The following NBEAL1 variants were observed in gnomAD, a reference collection of about 807,000 sequenced individuals.
NBEAL1 encodes the protein neurobeachin-like protein 1.
Under a neutral mutation model 351.3 loss-of-function variants are expected in NBEAL1, and 273 were observed. The observed-to-expected ratio is 0.78, with a 90% CI of 0.70 to 0.86. The LOEUF is 0.86. NBEAL1 is among the 40% of genes least tolerant of loss of function. The probability of loss-of-function intolerance (pLI) is 0.00; values close to 1 mark genes in which losing one functional copy is unlikely to be tolerated. For missense variants in NBEAL1, 2,961 were observed against 3,201.3 expected (o/e 0.92, Z 1.81); for synonymous variants, 1,050 against 1,086.4 (o/e 0.97, Z 0.66).
intron 35 of NBEAL1, among the ~76,000 whole-genome samples, chr2:203,157,093 A>G (rs1441249639): frequency 6.6e-6 from 1 of 152,178 alleles, no homozygotes; most frequent in East Asian, 1.9e-4. Flanking sequence ...TGGCAAAACT[A>G]AATTTGAGTC....
At chr2:203,072,410 GT>G (rs894568990) in intron 7 of NBEAL1, among the ~76,000 whole-genome samples, 112 of 139,168 alleles carry the variant, frequency 8.0e-4, no homozygotes, top group Admixed American at 1.1e-3. Flanking sequence ...TTGTTTGTTT[GT>G]TTTTTTTTTT....
chr2:203,110,056 G>A, intron 14 of NBEAL1, 94 bp from the exon 15 acceptor site: 1 of 1,216,090 alleles, frequency 8.2e-7, no homozygotes, highest in Non-Finnish European at 1.1e-6. Context: ...TGTGGGTAAA[G>A]ATGTTCATGA....
chr2:203,113,267 AT>A lies in NBEAL1; in HGVS notation c.2456del (p.Ile819ThrfsTer11). The A allele has an allele frequency of 1.3e-6, 2 of 1,486,400 alleles. No homozygotes were observed. The highest frequency in any genetic ancestry group is 1.8e-6 in the Non-Finnish European group (2 of 1,116,744). 92.1% of individuals were successfully genotyped at this position (1,486,400 alleles called of 1,614,324 possible). A position where few individuals can be genotyped will look rare whatever the true frequency, so the allele number is the denominator to read the frequency against. On this transcript the variant is annotated frameshift_variant, in exon 17 of 56. Coordinates refer to ENST00000683969, the MANE Select transcript of NBEAL1 (RefSeq NM_001378026.1). LOFTEE classifies it high-confidence loss of function. ...GGAGGGTCAGCTAGGATCTGTTATC[AT>A]CTTTTATGAACCACTACAACCTCCT... ...SLEGQLGSVIIFYEPLQPPQV... is the reference protein window; with the variant it reads ...SLEGQLGSVIXFYEPLQPPQV...
intron 6 of NBEAL1, among the ~76,000 whole-genome samples, chr2:203,066,423 G>A (rs2061587603): frequency 1.3e-5 from 2 of 151,696 alleles, no homozygotes; most frequent in South Asian, 2.1e-4. Context: ...GCATCCCAAG[G>A]CACAAGAATT....
intron 3 of NBEAL1, among the ~76,000 whole-genome samples, chr2:203,049,371 T>C (rs959365566): frequency 1.3e-5 from 2 of 152,190 alleles, no homozygotes; most frequent in African/African-American, 4.8e-5. Flanking sequence ...GTTGACATAT[T>C]AAACTAGTTA....
rs1231746218 is a variant in NBEAL1 at position 203,135,700 on chromosome 2, G to A, written c.3837G>A (p.Gln1279=). 7 of 1,527,394 alleles carry A rather than the reference G, an allele frequency of 4.6e-6. No homozygotes were observed. The highest frequency in any genetic ancestry group is 1.4e-5 in the African/African-American group (1 of 72,072). 94.6% of individuals were successfully genotyped at this position (1,527,394 alleles called of 1,614,324 possible). A position where few individuals can be genotyped will look rare whatever the true frequency, so the allele number is the denominator to read the frequency against. ...CRKVLQILQF[Q]PDAAHQISQQ... ...AGGTTTTGCAAATTTTGCAGTTCCA[G>A]CCAGATGCAGCACATCAAATATCAC... The change falls in exon 28 of 56, where the codon CAG becomes CAA. Residue 1279 remains glutamine (Q), a synonymous_variant. Coordinates refer to ENST00000683969, the MANE Select transcript of NBEAL1 (RefSeq NM_001378026.1).
intron 51 of NBEAL1, among the ~76,000 whole-genome samples, chr2:203,208,365 G>A (rs1330618688): frequency 1.3e-5 from 2 of 152,140 alleles, no homozygotes; most frequent in South Asian, 2.1e-4. Context: ...TAGATTAAAA[G>A]GGGAAATAAC....
At chr2:203,216,030 G>A (rs1309336784) in intron 55 of NBEAL1, among the ~76,000 whole-genome samples, 5 of 146,606 alleles carry the variant, frequency 3.4e-5, no homozygotes, top group Non-Finnish European at 7.5e-5. Flanking sequence ...AAAAAAAAAC[G>A]GTGGAATCAC....
intron 55 of NBEAL1, among the ~76,000 whole-genome samples, chr2:203,214,529 CT>C (rs1347110163): frequency 6.6e-6 from 1 of 152,132 alleles, no homozygotes; most frequent in African/African-American, 2.4e-5. Context: ...AATCCCTGCA[CT>C]TTGGGGGACC....
intron 7 of NBEAL1, 124 bp downstream of exon 7, chr2:203,068,599 T>C: frequency 1.9e-6 from 1 of 517,248 alleles, no homozygotes; most frequent in Non-Finnish European, 3.4e-6. Flanking sequence ...TGTAAGAACA[T>C]GTCACTGGAG....
chr2:203,206,764 C>T (rs577418579), intron 51 of NBEAL1, among the ~76,000 whole-genome samples: 6 of 151,964 alleles, frequency 3.9e-5, no homozygotes, highest in East Asian at 3.9e-4. Context: ...GATCTCGGCT[C>T]GGTACAACAT....
intron 51 of NBEAL1, among the ~76,000 whole-genome samples, chr2:203,207,293 G>A (rs2105834766): frequency 6.6e-6 from 1 of 150,822 alleles, no homozygotes; most frequent in African/African-American, 2.4e-5. Context: ...GAGGTGGGGG[G>A]GTCAGCCCCC....
intron 11 of NBEAL1, among the ~76,000 whole-genome samples, chr2:203,099,393 C>T (rs1433189009): frequency 2.0e-5 from 3 of 151,742 alleles, no homozygotes; most frequent in Non-Finnish European, 4.4e-5. Flanking sequence ...TTTCTCAAAA[C>T]ATTTTAATGT....
chr2:203,091,523 A>T (rs2106187608), intron 10 of NBEAL1, among the ~76,000 whole-genome samples: 1 of 152,174 alleles, frequency 6.6e-6, no homozygotes, highest in East Asian at 1.9e-4. Context: ...TTCACTTTTT[A>T]ATATTTTTTG....
intron 27 of NBEAL1, among the ~76,000 whole-genome samples, chr2:203,135,155 G>A (rs1248684319): frequency 1.3e-5 from 2 of 148,416 alleles, no homozygotes; most frequent in Non-Finnish European, 3.0e-5. Context: ...GTGCGACAGA[G>A]CAAGACCCTG....
At chr2:203,209,710 A>T (rs2065720682) in intron 53 of NBEAL1, among the ~76,000 whole-genome samples, 6 of 33,804 alleles carry the variant, frequency 1.8e-4, no homozygotes, top group Admixed American at 3.2e-4. Flanking sequence ...TTATTTAATT[A>T]ATATGTGTGT....
chr2:203,115,161 CT>C (rs1207305806), intron 17 of NBEAL1, among the ~76,000 whole-genome samples: 9 of 132,278 alleles, frequency 6.8e-5, no homozygotes, highest in Admixed American at 2.3e-4. Context: ...GAGTTTTGCT[CT>C]TGTTGCCCAG....
chr2:203,068,957 T>G (rs2061637269), intron 7 of NBEAL1, among the ~76,000 whole-genome samples: 1 of 152,144 alleles, frequency 6.6e-6, no homozygotes, highest in South Asian at 2.1e-4. Flanking sequence ...CTTGAACTCC[T>G]GACCTCAGGT....
chr2:203,120,703 G>A (rs775515816), intron 18 of NBEAL1, among the ~76,000 whole-genome samples: 8 of 152,066 alleles, frequency 5.3e-5, no homozygotes, highest in East Asian at 1.9e-4. Flanking sequence ...TAATATTATC[G>A]GATTCGCATT....
Sources: allele counts gnomAD v4.1 joint callset (sites outside exome capture counted in the v4.1 genomes callset), GRCh38; gene constraint gnomAD v4.1.1; transcripts MANE v1.5; gene names NCBI Gene and HGNC (gene_info 2026-07-23, HGNC 2026-07-21).